The following RAD54L2 variants were observed in gnomAD, a reference collection of about 807,000 sequenced individuals.
RAD54L2 encodes the protein RAD54 like 2, also known as helicase ARIP4.
Under a neutral mutation model 138.4 loss-of-function variants are expected in RAD54L2, and 27 were observed. The observed-to-expected ratio is 0.20, with a 90% CI of 0.14 to 0.27. The LOEUF is 0.27. Among genes scored for constraint, RAD54L2 ranks in the 10% least tolerant of loss-of-function variants. The pLI is 1.00. For synonymous variants in RAD54L2, 644 were observed against 723.2 expected (o/e 0.89, Z 1.76); for missense variants, 1,396 against 1,890.2 (o/e 0.74, Z 4.85).
intron 10 of RAD54L2, among the ~76,000 whole-genome samples, chr3:51,636,672 A>G (rs1363149027): frequency 6.6e-6 from 1 of 152,198 alleles, no homozygotes; most frequent in Non-Finnish European, 1.5e-5. Context: ...GGAACGGGGG[A>G]AAGGGATATT....
intron 7 of RAD54L2, 21 bp from the exon 8 acceptor site, chr3:51,633,556 T>C (rs373215413): frequency 1.9e-5 from 30 of 1,599,502 alleles, no homozygotes; most frequent in Non-Finnish European, 2.6e-5. Context: ...CCCTCTGACA[T>C]TTGTCTTTGT....
chr3:51,548,962 T>C (rs1294164439), intron 2 of RAD54L2, among the ~76,000 whole-genome samples: 2 of 151,816 alleles, frequency 1.3e-5, no homozygotes, highest in African/African-American at 4.8e-5. Context: ...TAGCTGGGAT[T>C]ACAGGTGCAG....
At chr3:51,563,499 G>T (rs1453929755) in intron 2 of RAD54L2, among the ~76,000 whole-genome samples, 1 of 152,042 alleles carries the variant, frequency 6.6e-6, no homozygotes, top group East Asian at 1.9e-4. Flanking sequence ...AAGCTTCATA[G>T]AACAGCCTGA....
chr3:51,583,673 C>T (rs1001882143), intron 2 of RAD54L2, among the ~76,000 whole-genome samples: 5 of 151,026 alleles, frequency 3.3e-5, no homozygotes, highest in Admixed American at 6.6e-5. Context: ...GTGATCTGCC[C>T]GCCTCGGCCT....
chr3:51,606,194 G>A (rs534107632), intron 3 of RAD54L2, among the ~76,000 whole-genome samples: 4 of 152,174 alleles, frequency 2.6e-5, no homozygotes, highest in Admixed American at 1.3e-4. Flanking sequence ...TATCCTAAGT[G>A]CAAAAGGGAT....
At chr3:51,564,182 C>A (rs922408177) in intron 2 of RAD54L2, among the ~76,000 whole-genome samples, 8 of 152,138 alleles carry the variant, frequency 5.3e-5, no homozygotes, top group Admixed American at 1.3e-4. Context: ...CTTTTCTATT[C>A]TTCTCTTAAA....
At chr3:51,617,408 G>T (rs541224387) in intron 3 of RAD54L2, among the ~76,000 whole-genome samples, 1 of 152,292 alleles carries the variant, frequency 6.6e-6, no homozygotes, top group South Asian at 2.1e-4. Context: ...AGTTATTCTA[G>T]TGAGTGTCAA....
rs909573604 is a variant in RAD54L2 at position 51,590,255 on chromosome 3, T to A, written c.-54-112T>A. 73 of 729,386 alleles carry A rather than the reference T, an allele frequency of 1.0e-4. 1 individual carries two copies. The highest frequency in any genetic ancestry group is 1.4e-4 in the Non-Finnish European group (68 of 480,712). 45.2% of individuals were successfully genotyped at this position (729,386 alleles called of 1,614,324 possible). ...ATCCACCCACCTTGACCTCCCAAAG[T>A]GCTGGGATTACAGGCATGAGCCACT... On this transcript the variant is annotated intron_variant, in intron 2 of 22. Coordinates refer to ENST00000684192, the MANE Select transcript of RAD54L2 (RefSeq NM_015106.4).
At chr3:51,560,547 G>T (rs1327121744) in intron 2 of RAD54L2, among the ~76,000 whole-genome samples, 1 of 151,734 alleles carries the variant, frequency 6.6e-6, no homozygotes, top group East Asian at 1.9e-4. Flanking sequence ...TTTTTTAGTA[G>T]AGACAGGGTT....
At chr3:51,556,134 A>G (rs184281687) in intron 2 of RAD54L2, among the ~76,000 whole-genome samples, 8 of 152,134 alleles carry the variant, frequency 5.3e-5, no homozygotes, top group African/African-American at 1.9e-4. Context: ...GTTTTTTCCT[A>G]CATAAACGAT....
At chr3:51,657,994 G>A (rs1040645405) in intron 21 of RAD54L2, among the ~76,000 whole-genome samples, 3 of 137,156 alleles carry the variant, frequency 2.2e-5, no homozygotes, top group Admixed American at 8.9e-5. Flanking sequence ...GCGTGATCTC[G>A]GCTCACTGCA....
intron 15 of RAD54L2, among the ~76,000 whole-genome samples, chr3:51,643,122 G>A (rs373568779): frequency 7.7e-5 from 11 of 142,932 alleles, no homozygotes; most frequent in African/African-American, 1.1e-4. Context: ...TGCAGCCTCC[G>A]TCTCCCAGGT....
chr3:51,628,601 A>G (rs750375320), intron 4 of RAD54L2, among the ~76,000 whole-genome samples: 1 of 151,596 alleles, frequency 6.6e-6, no homozygotes, highest in South Asian at 2.1e-4. Context: ...CGTTGGCTGA[A>G]CTGGTCTTGA....
intron 2 of RAD54L2, among the ~76,000 whole-genome samples, chr3:51,543,479 A>G (rs1248922391): frequency 6.6e-6 from 1 of 152,070 alleles, no homozygotes; most frequent in East Asian, 1.9e-4. Flanking sequence ...ATAGTGGCGC[A>G]TGCCTGTAAT....
At chr3:51,580,767 A>G (rs1432111979) in intron 2 of RAD54L2, among the ~76,000 whole-genome samples, 1 of 152,198 alleles carries the variant, frequency 6.6e-6, no homozygotes, top group Non-Finnish European at 1.5e-5. Context: ...ATTACCATTG[A>G]TTTTAGAACT....
chr3:51,550,253 C>G (rs1404634776), intron 2 of RAD54L2, among the ~76,000 whole-genome samples: 3 of 152,164 alleles, frequency 2.0e-5, no homozygotes, highest in African/African-American at 7.2e-5. Context: ...TTCCCCCAGG[C>G]TCTGGACCAG....
chr3:51,598,034 A>G (rs1700003136), intron 3 of RAD54L2, among the ~76,000 whole-genome samples: 1 of 151,398 alleles, frequency 6.6e-6, no homozygotes, highest in South Asian at 2.1e-4. Flanking sequence ...AGAAAGAAAA[A>G]GAGCAAGAGA....
intron 2 of RAD54L2, among the ~76,000 whole-genome samples, chr3:51,557,338 A>G (rs1338116175): frequency 6.6e-6 from 1 of 151,740 alleles, no homozygotes; most frequent in Non-Finnish European, 1.5e-5. Flanking sequence ...GCACACTGCC[A>G]TGCCCAGCTA....
chr3:51,661,295 A>G (rs547670835), intron 22 of RAD54L2, among the ~76,000 whole-genome samples: 1 of 152,332 alleles, frequency 6.6e-6, no homozygotes, highest in Non-Finnish European at 1.5e-5. Flanking sequence ...AAATGCTAAC[A>G]TACCATAAAA....
Sources: allele counts gnomAD v4.1 joint callset (sites outside exome capture counted in the v4.1 genomes callset), GRCh38; gene constraint gnomAD v4.1.1; transcripts MANE v1.5; gene names NCBI Gene and HGNC (gene_info 2026-07-23, HGNC 2026-07-21).